Variants in CRYBG1 observed in about 807,000 individuals in gnomAD.
CRYBG1 encodes beta/gamma crystallin domain-containing protein 1.
A neutral mutation model predicts 189.2 loss-of-function variants in CRYBG1; 139 were observed. That is an observed-to-expected ratio of 0.73 (90% CI 0.64 to 0.85). The LOEUF (loss-of-function observed/expected upper bound fraction) is 0.85. CRYBG1 is among the 40% of genes least tolerant of loss of function. The pLI is 0.00. For synonymous variants in CRYBG1, 1,023 were observed against 1,017.1 expected (o/e 1.01, Z -0.11); for missense variants, 2,611 against 2,675.8 (o/e 0.98, Z 0.53).
intron 17 of CRYBG1, among the ~76,000 whole-genome samples, chr6:106,557,293 A>G (rs1416896617): frequency 2.6e-5 from 4 of 152,220 alleles, no homozygotes; most frequent in South Asian, 2.1e-4. Flanking sequence ...TTACTGATGG[A>G]CAAAATCTTT....
chr6:106,426,751 T>G (rs1771233540), intron 1 of CRYBG1, among the ~76,000 whole-genome samples: 1 of 152,172 alleles, frequency 6.6e-6, no homozygotes. Context: ...GCACCAGGCA[T>G]GCTCGTTAAT....
intron 1 of CRYBG1, among the ~76,000 whole-genome samples, chr6:106,441,013 G>T (rs1771556688): frequency 6.6e-6 from 1 of 152,086 alleles, no homozygotes; most frequent in African/African-American, 2.4e-5. Context: ...GACTTTTAGG[G>T]GCTTATGAAA....
chr6:106,365,400 C>T (rs1029054117), intron 1 of CRYBG1, among the ~76,000 whole-genome samples: 17 of 150,118 alleles, frequency 1.1e-4, no homozygotes, highest in Admixed American at 7.3e-4. Context: ...GCACCCCAGA[C>T]TGGGTGACAG....
At chr6:106,493,905 G>C (rs6906630) in intron 2 of CRYBG1, among the ~76,000 whole-genome samples, 5,459 of 152,010 alleles carry the variant, frequency 0.036, 319 homozygotes, top group African/African-American at 0.12. Context: ...CATGGCATAC[G>C]TTTACCCATG....
chr6:106,397,138 A>G (rs901622619), intron 1 of CRYBG1, among the ~76,000 whole-genome samples: 2 of 152,210 alleles, frequency 1.3e-5, no homozygotes, highest in Admixed American at 1.3e-4. Context: ...CTAACGTGTA[A>G]TTGGCAAATA....
At chr6:106,382,687 A>G (rs1770309269) in intron 1 of CRYBG1, among the ~76,000 whole-genome samples, 1 of 152,138 alleles carries the variant, frequency 6.6e-6, no homozygotes, top group Non-Finnish European at 1.5e-5. Flanking sequence ...TAGAATTATA[A>G]TTTTCTTTCA....
intron 1 of CRYBG1, among the ~76,000 whole-genome samples, chr6:106,400,880 C>T (rs1000714510): frequency 6.6e-6 from 1 of 152,020 alleles, no homozygotes; most frequent in African/African-American, 2.4e-5. Flanking sequence ...GGTGCAAGAT[C>T]GTAGAGAAGG....
At position 106,518,989 on chromosome 6, in the gene CRYBG1, A is replaced by ACACACACG. The variant is rs1337317619; in HGVS notation, c.1923-140_1923-139insCACACGCA. On this transcript the variant is annotated intron_variant, in intron 3 of 21. Transcript: ENST00000633556. ...CACATGTGTGCGCACACACACACACACATACACACACACACACACCACACT... is the reference window on the plus strand; with the variant it reads ...CACATGTGTGCGCACACACACACACACACACACGCATACACACACACACACACCACACT... 46 of 398,918 alleles carry ACACACACG rather than the reference A, an allele frequency of 1.2e-4. No individual in the cohort carries two copies. The African/African-American group carries it at 1.4e-3, about 12-fold the overall frequency. 24.7% of individuals were successfully genotyped at this position (398,918 alleles called of 1,614,324 possible). A position where few individuals can be genotyped will look rare whatever the true frequency, so the allele number is the denominator to read the frequency against.
Position 106,520,754 on chromosome 6 carries a change from C to A in CRYBG1, c.3546C>A (p.Asp1182Glu), listed in dbSNP as rs773427826. The A allele has an allele frequency of 5.0e-6, 8 of 1,614,002 alleles. No individual in the cohort carries two copies. The highest frequency in any genetic ancestry group is 5.9e-6 in the Non-Finnish European group (7 of 1,180,040). Reference protein sequence around the residue: ...SPALHLMQNLDTKSKLRPKRA... With the variant: ...SPALHLMQNLETKSKLRPKRA... The stretch of plus-strand genomic sequence containing the variant: ...CTTTACATTTGATGCAGAACCTTGA[C>A]ACAAAATCCAAACTGAGACCCAAAC... Residue 1182 changes from aspartate (D) to glutamate (E), a missense_variant, in exon 4 of 22, where the codon GAC becomes GAA. By Grantham distance (45) the Asp-to-Glu change is conservative. Around this residue, in one of 3 missense-constraint regions of CRYBG1, gnomAD observed 1,622 missense variants for 1,735.0 expected, o/e 0.93. Coordinates refer to ENST00000633556, the MANE Select transcript of CRYBG1 (RefSeq NM_001371242.2).
rs1327521075 is a variant in CRYBG1, at chr6:106,377,642, TATATA to T, written c.173+16562_173+16566del. Reference sequence around the variant, plus strand: ...GGTTTTATATATATATATATATATATATATATTTTCATTTGCAGTCTGTCAAAGAT... The same window carrying T: ...GGTTTTATATATATATATATATATATTTTTCATTTGCAGTCTGTCAAAGAT... On this transcript the variant is annotated intron_variant, in intron 1 of 21. Transcript: ENST00000633556. Among the ~76,000 whole-genome samples, 587 of 144,694 alleles carry T rather than the reference TATATA, an allele frequency of 4.1e-3. 22 individuals carry two copies. The highest frequency in any genetic ancestry group is 0.027 in the Middle Eastern group (7 of 262). The allele number at this position is 144,694 out of a possible 152,430, so 94.9% of individuals were successfully genotyped here.
intron 10 of CRYBG1, 144 bp from the exon 11 acceptor site, chr6:106,543,296 C>G: frequency 1.4e-6 from 1 of 713,820 alleles, no homozygotes; most frequent in South Asian, 1.8e-5. Flanking sequence ...TCGCAAAGTG[C>G]TGGGATAACA....
intron 1 of CRYBG1, among the ~76,000 whole-genome samples, chr6:106,441,411 T>C (rs1198000657): frequency 6.6e-6 from 1 of 152,152 alleles, no homozygotes; most frequent in Non-Finnish European, 1.5e-5. Context: ...GAATTTCTAT[T>C]CATGAGAGCT....
intron 2 of CRYBG1, among the ~76,000 whole-genome samples, chr6:106,484,556 G>A (rs1772554983): frequency 6.6e-6 from 1 of 152,164 alleles, no homozygotes; most frequent in Non-Finnish European, 1.5e-5. Flanking sequence ...CTGGCCTTGA[G>A]CGATCTTCCT....
intron 8 of CRYBG1, among the ~76,000 whole-genome samples, chr6:106,535,052 A>G (rs1773967693): frequency 6.6e-6 from 1 of 152,204 alleles, no homozygotes; most frequent in South Asian, 2.1e-4. Flanking sequence ...TTATTTGATC[A>G]TTTGTACTGT....
chr6:106,433,750 T>C (rs779328897), intron 1 of CRYBG1, among the ~76,000 whole-genome samples: 1 of 29,764 alleles, frequency 3.4e-5, no homozygotes, highest in Non-Finnish European at 6.6e-5. Context: ...TATATGTATA[T>C]ATATATGTGT....
chr6:106,428,107 T>A (rs1771261304), intron 1 of CRYBG1, among the ~76,000 whole-genome samples: 1 of 152,248 alleles, frequency 6.6e-6, no homozygotes, highest in South Asian at 2.1e-4. Flanking sequence ...GTAGAACTTA[T>A]CAATACCTGA....
At chr6:106,435,456 TC>T (rs1262954609) in intron 1 of CRYBG1, among the ~76,000 whole-genome samples, 1 of 152,140 alleles carries the variant, frequency 6.6e-6, no homozygotes, top group East Asian at 1.9e-4. Context: ...TGAGTCACTG[TC>T]CCCAACCTAC....
In CRYBG1 at chr6:106,519,421, C is replaced by T. The variant is rs1200532621; in HGVS notation, c.2213C>T (p.Pro738Leu). The change falls in exon 4 of 22, where the codon CCC becomes CTC. Residue 738 changes from proline to leucine, a missense_variant. Physicochemically the swap from Pro to Leu is moderately conservative, Grantham distance 98. Coordinates refer to ENST00000633556, the MANE Select transcript of CRYBG1 (RefSeq NM_001371242.2). ...QPEKKVMPNS[P>L]QNGVLVKETA... ...GAAAAGAAAGTAATGCCAAACAGTCCCCAGAATGGTGTGCTGGTTAAGGAA... is the reference window on the plus strand; with the variant it reads ...GAAAAGAAAGTAATGCCAAACAGTCTCCAGAATGGTGTGCTGGTTAAGGAA... 2 of 1,613,792 alleles carry T rather than the reference C, an allele frequency of 1.2e-6. No individual in the cohort carries two copies. The highest frequency in any genetic ancestry group is 1.7e-6 in the Non-Finnish European group (2 of 1,180,012).
chr6:106,451,227 T>A (rs1421495637), intron 1 of CRYBG1, among the ~76,000 whole-genome samples: 2 of 152,178 alleles, frequency 1.3e-5, no homozygotes, highest in Non-Finnish European at 2.9e-5. Context: ...AATATTATAA[T>A]CCTAGGAACA....
Sources: gnomAD v4.1 joint callset for allele counts (sites outside exome capture counted in the v4.1 genomes callset) on GRCh38, gnomAD v4.1.1 for gene constraint, gnomAD v4.1.1 regional missense constraint, MANE v1.5 for transcripts, NCBI Gene and HGNC (gene_info 2026-07-23, HGNC 2026-07-21) for gene names.